The following C12orf50 variants were observed in gnomAD, a reference collection of about 807,000 sequenced individuals.
The protein encoded by C12orf50 is uncharacterized protein C12orf50.
Under a neutral mutation model 61.6 loss-of-function variants are expected in C12orf50, and 35 were observed. That is an observed-to-expected ratio of 0.57 (90% CI 0.43 to 0.75). C12orf50 has a LOEUF of 0.75. Ranked by LOEUF, C12orf50 falls within the 30% of genes least tolerant of loss-of-function variation. The pLI is 0.00. For missense variants in C12orf50, 475 were observed against 488.5 expected, an observed-to-expected ratio of 0.97 and a Z score of 0.26; for synonymous variants, 178 against 161.5, an observed-to-expected ratio of 1.10 and a Z score of -0.77.
At position 87,996,247 on chromosome 12, in the gene C12orf50, C is replaced by T. The variant is rs1437854066; in HGVS notation, c.481+127G>A. On this transcript the variant is annotated intron_variant, in intron 6 of 12. Transcript: ENST00000298699. ...TTGGGTCATCCAATACAAACACTTT[C>T]TTCTAGTGCTCAATTACGATGTATT... 5.7e-6 allele frequency: 4 copies of T among 699,822 alleles called. No homozygotes were observed. In the East Asian group the frequency reaches 1.1e-4, roughly 19 times the overall value. The allele number at this position is 699,822 out of a possible 1,614,324, so 43.4% of individuals were successfully genotyped here. A position where few individuals can be genotyped will look rare whatever the true frequency, so the allele number is the denominator to read the frequency against.
At chr12:87,992,905 TCA>T (rs2031192159) in intron 7 of C12orf50, among the ~76,000 whole-genome samples, 1 of 152,182 alleles carries the variant, frequency 6.6e-6, no homozygotes, top group Non-Finnish European at 1.5e-5. Flanking sequence ...AATTATAATT[TCA>T]GTTTTGATCA....
intron 3 of C12orf50, among the ~76,000 whole-genome samples, chr12:88,024,476 C>G (rs1053625739): frequency 9.9e-5 from 15 of 152,272 alleles, no homozygotes; most frequent in African/African-American, 3.6e-4. Flanking sequence ...ATGTCCTTTG[C>G]AAGAACATTG....
At chr12:88,024,465 C>T (rs1264000519) in intron 3 of C12orf50, among the ~76,000 whole-genome samples, 1 of 152,296 alleles carries the variant, frequency 6.6e-6, no homozygotes, top group Middle Eastern at 3.4e-3. Context: ...AGAATGACAT[C>T]ATGTCCTTTG....
At chr12:87,997,974 A>G in intron 4 of C12orf50, 61 bp downstream of exon 4, 5 of 1,368,176 alleles carry the variant, frequency 3.7e-6, no homozygotes, top group Non-Finnish European at 5.1e-6. Context: ...AGTTAAACAC[A>G]TATGTAAAAA....
At chr12:87,995,953 C>CTT (rs2031368759) in intron 6 of C12orf50, among the ~76,000 whole-genome samples, 1 of 152,238 alleles carries the variant, frequency 6.6e-6, no homozygotes, top group Admixed American at 6.5e-5. Context: ...CCACAGAAGA[C>CTT]TTTCATTCAA....
intron 7 of C12orf50, among the ~76,000 whole-genome samples, chr12:87,993,603 G>A (rs2031238278): frequency 1.3e-5 from 2 of 152,054 alleles, no homozygotes; most frequent in South Asian, 4.1e-4. Context: ...GCACACAGAA[G>A]AAAATGGCTG....
intron 3 of C12orf50, among the ~76,000 whole-genome samples, chr12:88,015,916 A>G (rs2032294792): frequency 6.6e-6 from 1 of 152,176 alleles, no homozygotes; most frequent in Non-Finnish European, 1.5e-5. Flanking sequence ...AGTAACTGGC[A>G]GTTTTATACC....
chr12:88,012,319 T>C (rs939904213), intron 3 of C12orf50, among the ~76,000 whole-genome samples: 3 of 152,230 alleles, frequency 2.0e-5, no homozygotes, highest in African/African-American at 7.2e-5. Flanking sequence ...AATGCAGTAT[T>C]TCCTACTCCC....
chr12:88,009,069 A>G (rs1043553051), intron 3 of C12orf50, among the ~76,000 whole-genome samples: 1 of 152,108 alleles, frequency 6.6e-6, no homozygotes, highest in African/African-American at 2.4e-5. Flanking sequence ...GACGGTTTCT[A>G]GCCTTTGGCC....
chr12:87,992,020 A>G (rs2031147537), intron 7 of C12orf50, among the ~76,000 whole-genome samples: 1 of 152,280 alleles, frequency 6.6e-6, no homozygotes, highest in Non-Finnish European at 1.5e-5. Context: ...TTCAGTTCAT[A>G]CAGAGATGAT....
At position 87,986,547 on chromosome 12, in the gene C12orf50, C is replaced by A. The variant is rs940516573; in HGVS notation, c.818-131G>T. On this transcript the variant is annotated intron_variant, in intron 9 of 12. Coordinates refer to ENST00000298699, the MANE Select transcript of C12orf50 (RefSeq NM_152589.3). ...AAAAAATAAATGCACCATCCTAACA[C>A]TTTACTTTTTAGAACAAAAGGTGAT... The A allele has an allele frequency of 5.8e-6, 3 of 519,482 alleles. No homozygotes were observed. In the Admixed American group the frequency reaches 1.2e-4, roughly 21 times the overall value. The allele number at this position is 519,482 out of a possible 1,614,324, so 32.2% of individuals were successfully genotyped here. A position where few individuals can be genotyped will look rare whatever the true frequency, so the allele number is the denominator to read the frequency against.
intron 3 of C12orf50, among the ~76,000 whole-genome samples, chr12:88,020,716 A>C (rs994124274): frequency 3.9e-5 from 6 of 152,180 alleles, no homozygotes; most frequent in Non-Finnish European, 8.8e-5. Context: ...TCTCCACCCC[A>C]AAACAACAGA....
At chr12:88,024,124 A>T (rs986807459) in intron 3 of C12orf50, among the ~76,000 whole-genome samples, 3 of 152,202 alleles carry the variant, frequency 2.0e-5, no homozygotes, top group African/African-American at 7.2e-5. Context: ...AAAGTCAAAA[A>T]ATAACAGATG....
At chr12:88,009,332 G>A (rs1483689239) in intron 3 of C12orf50, among the ~76,000 whole-genome samples, 2 of 151,866 alleles carry the variant, frequency 1.3e-5, no homozygotes, top group East Asian at 1.9e-4. Context: ...TTTGATATTT[G>A]CCAATAATAT....
rs751962037 is a variant in C12orf50, at chr12:87,998,095, G to A, written c.229C>T (p.His77Tyr). Residue 77 changes from histidine to tyrosine, a missense_variant, in exon 4 of 13, where the codon CAC (histidine) becomes TAC (tyrosine). Transcript: ENST00000298699. Reference sequence around the variant, plus strand: ...TTAGTTTTTAAAACTAAAGGATGGTGGATGGGTCGTGATATATTTTCCTGA... The same window carrying A: ...TTAGTTTTTAAAACTAAAGGATGGTAGATGGGTCGTGATATATTTTCCTGA... The part of the protein sequence containing the change: ...KPQENISRPI[H>Y]HPLVLKTNFE... 83 of 1,612,764 alleles carry A rather than the reference G, an allele frequency of 5.1e-5. No homozygotes were observed. In the East Asian group the frequency reaches 1.8e-3, roughly 36 times the overall value.
intron 3 of C12orf50, among the ~76,000 whole-genome samples, chr12:88,021,435 C>T (rs574774855): frequency 3.9e-5 from 6 of 151,960 alleles, no homozygotes; most frequent in South Asian, 4.2e-4. Context: ...GCCAGGAGTT[C>T]GAGACCAGCC....
At chr12:87,983,470 C>A (rs1033399696) in intron 11 of C12orf50, 6 of 188,676 alleles carry the variant, frequency 3.2e-5, no homozygotes, top group Admixed American at 5.9e-5. Flanking sequence ...TATACATGTG[C>A]CATGCTGGTG....
At chr12:87,998,232 G>C in intron 3 of C12orf50, 42 bp from the exon 4 acceptor site, 1 of 1,502,478 alleles carries the variant, frequency 6.7e-7, no homozygotes, top group Middle Eastern at 1.7e-4. Context: ...CAAGATATAT[G>C]TGATGATAAG....
intron 3 of C12orf50, among the ~76,000 whole-genome samples, chr12:88,018,738 G>T (rs1232019209): frequency 1.3e-5 from 2 of 152,208 alleles, no homozygotes; most frequent in Non-Finnish European, 2.9e-5. Context: ...GTGGGACCTG[G>T]ATGTGAGACC....
Sources: gnomAD v4.1 joint callset for allele counts (sites outside exome capture counted in the v4.1 genomes callset) on GRCh38, gnomAD v4.1.1 for gene constraint, MANE v1.5 for transcripts, NCBI Gene and HGNC (gene_info 2026-07-23, HGNC 2026-07-21) for gene names.